The following TTC23L variants were observed in gnomAD, a reference collection of about 807,000 sequenced individuals.
TTC23L encodes tetratricopeptide repeat domain 23 like.
A neutral mutation model predicts 48.1 loss-of-function variants in TTC23L; 42 were observed. That is an observed-to-expected ratio of 0.87 (90% confidence interval 0.68 to 1.13). The LOEUF is 1.13. TTC23L is among the 50% of genes most tolerant of loss of function. The probability of loss-of-function intolerance (pLI) is 0.00; values close to 1 mark genes in which losing one functional copy is unlikely to be tolerated. For missense variants in TTC23L, 391 were observed against 421.0 expected, an observed-to-expected ratio of 0.93 and a Z score of 0.62; for synonymous variants, 159 against 157.2, an observed-to-expected ratio of 1.01 and a Z score of -0.09.
chr5:34,851,723 C>T (rs1358225925), intron 4 of TTC23L, among the ~76,000 whole-genome samples: 1 of 152,170 alleles, frequency 6.6e-6, no homozygotes, highest in Non-Finnish European at 1.5e-5. Flanking sequence ...TCCCATCAGA[C>T]TGATTTTCTC....
At chr5:34,891,599 G>C (rs973121064) in intron 9 of TTC23L, among the ~76,000 whole-genome samples, 10 of 152,218 alleles carry the variant, frequency 6.6e-5, no homozygotes, top group Non-Finnish European at 1.2e-4. Flanking sequence ...TTGAATCTTT[G>C]AACATATCTA....
chr5:34,859,302 G>T (rs1488992780), intron 4 of TTC23L, among the ~76,000 whole-genome samples: 1 of 152,108 alleles, frequency 6.6e-6, no homozygotes, highest in African/African-American at 2.4e-5. Context: ...TGTTTTCTTG[G>T]TCTAAAGTAG....
At chr5:34,842,399 T>TG (rs1384465583) in intron 2 of TTC23L, among the ~76,000 whole-genome samples, 1 of 151,944 alleles carries the variant, frequency 6.6e-6, no homozygotes, top group African/African-American at 2.4e-5. Flanking sequence ...TGTTGCTGTT[T>TG]GGGGGGCCCC....
At chr5:34,901,241 AATGT>A (rs1763502839), downstream of TTC23L, among the ~76,000 whole-genome samples, 1 of 152,082 alleles carries the variant, frequency 6.6e-6, no homozygotes, top group African/African-American at 2.4e-5. Context: ...AAAAACTTCC[AATGT>A]ATTTATTGAA....
chr5:34,848,242 G>C (rs1303932999), intron 3 of TTC23L, among the ~76,000 whole-genome samples: 4 of 152,296 alleles, frequency 2.6e-5, no homozygotes, highest in Admixed American at 2.6e-4. Context: ...AGCCAATAAT[G>C]GCTGTGTTTG....
At chr5:34,909,220 C>CT in the TTC23L span, 1 of 1,441,716 alleles carries the variant, frequency 6.9e-7, no homozygotes, top group East Asian at 2.3e-5. Flanking sequence ...TTAACCTCCT[C>CT]TTTATCACCA....
the TTC23L span, chr5:34,922,854 GTTT>G: frequency 1.5e-6 from 2 of 1,354,944 alleles, no homozygotes; most frequent in South Asian, 2.5e-5. Context: ...ATTCAATTTA[GTTT>G]CACCCCCACC....
the TTC23L span, chr5:34,905,305 A>G: frequency 6.6e-6 from 1 of 152,220 alleles, no homozygotes; most frequent in Non-Finnish European, 1.5e-5. Flanking sequence ...GATAAGGGAC[A>G]AGCAATGTGA....
At chr5:34,895,915 T>C (rs576611142) in intron 9 of TTC23L, among the ~76,000 whole-genome samples, 1 of 152,194 alleles carries the variant, frequency 6.6e-6, no homozygotes, top group Admixed American at 6.5e-5. Flanking sequence ...TATTATTTAT[T>C]AGTAAACATT....
At chr5:34,844,468 A>C (rs1758949645) in intron 2 of TTC23L, among the ~76,000 whole-genome samples, 1 of 139,888 alleles carries the variant, frequency 7.1e-6, no homozygotes, top group African/African-American at 2.7e-5. Context: ...AAAAGGTTAC[A>C]CTTGGCAGTT....
chr5:34,915,683 A>G, the TTC23L span: 1 of 1,526,134 alleles, frequency 6.6e-7, no homozygotes, highest in Non-Finnish European at 8.8e-7. Flanking sequence ...GAGATCGGAA[A>G]TAGGAGCGAG....
intron 9 of TTC23L, among the ~76,000 whole-genome samples, chr5:34,887,207 T>A (rs1004616884): frequency 2.0e-5 from 3 of 152,144 alleles, no homozygotes; most frequent in African/African-American, 7.2e-5. Context: ...GAACTCATTT[T>A]GAAGATTCAG....
chr5:34,918,517 CT>C, the TTC23L span: 1 of 1,135,188 alleles, frequency 8.8e-7, no homozygotes, highest in Non-Finnish European at 1.2e-6. Flanking sequence ...TATCTATAAA[CT>C]TACCTATTTT....
intron 9 of TTC23L, among the ~76,000 whole-genome samples, chr5:34,895,579 G>A (rs1763168106): frequency 6.6e-6 from 1 of 152,158 alleles, no homozygotes; most frequent in South Asian, 2.1e-4. Context: ...GGAGCAGGGA[G>A]AACCATCCTT....
At chr5:34,867,604 C>T (rs1178176353) in intron 7 of TTC23L, 1 of 160,780 alleles carries the variant, frequency 6.2e-6, no homozygotes, top group African/African-American at 2.4e-5. Context: ...AATGGTGAGT[C>T]TATTATATTA....
At chr5:34,881,491 T>C (rs1762219455) in intron 9 of TTC23L, among the ~76,000 whole-genome samples, 2 of 152,230 alleles carry the variant, frequency 1.3e-5, no homozygotes, top group Admixed American at 1.3e-4. Context: ...GCCAACTTTA[T>C]ACTTCCTCAG....
chr5:34,886,457 A>G (rs1157763632), intron 9 of TTC23L, among the ~76,000 whole-genome samples: 1 of 151,936 alleles, frequency 6.6e-6, no homozygotes, highest in Non-Finnish European at 1.5e-5. Context: ...TACAGTGACT[A>G]TAGCAAAAAT....
chr5:34,896,057 C>T (rs1410772400), intron 9 of TTC23L, among the ~76,000 whole-genome samples: 1 of 152,198 alleles, frequency 6.6e-6, no homozygotes, highest in African/African-American at 2.4e-5. Flanking sequence ...AATCAGGATT[C>T]TAGGACTAGC....
the TTC23L span, chr5:34,913,794 G>T: frequency 1.8e-6 from 1 of 545,852 alleles, no homozygotes; most frequent in Non-Finnish European, 3.4e-6. Flanking sequence ...ACTCTCCCTT[G>T]TCTCGTTTTT....
Sources: allele counts gnomAD v4.1 joint callset (sites outside exome capture counted in the v4.1 genomes callset), GRCh38; gene constraint gnomAD v4.1.1; transcripts MANE v1.5; gene names NCBI Gene and HGNC (gene_info 2026-07-23, HGNC 2026-07-21).